Variants in SNX13 observed in about 807,000 individuals in gnomAD.
SNX13 encodes the protein sorting nexin 13, also known as sorting nexin-13.
A neutral mutation model predicts 133.6 loss-of-function variants in SNX13; 45 were observed. That is an observed-to-expected ratio of 0.34 (90% CI 0.27 to 0.43). The LOEUF (loss-of-function observed/expected upper bound fraction) is 0.43, where lower values mean the gene tolerates loss of function less well. SNX13 is among the 20% of genes least tolerant of loss of function. The pLI, the probability that SNX13 is intolerant of heterozygous loss-of-function variation, is 1.00. For synonymous variants in SNX13, 414 were observed against 373.9 expected (o/e 1.11, Z -1.24); for missense variants, 1,032 against 1,145.1 (o/e 0.90, Z 1.43).
At chr7:17,868,267 G>T in intron 9 of SNX13, 140 bp downstream of exon 9, 1 of 650,858 alleles carries the variant, frequency 1.5e-6, no homozygotes, top group Non-Finnish European at 2.6e-6. Context: ...TAAAAATATT[G>T]GAAACACAGA....
chr7:17,837,671 G>A (rs1789307971), intron 13 of SNX13, among the ~76,000 whole-genome samples: 2 of 151,830 alleles, frequency 1.3e-5, no homozygotes, highest in African/African-American at 4.8e-5. Flanking sequence ...TAAATACTTT[G>A]AAGCATAATG....
chr7:17,794,385 T>G, intron 25 of SNX13, 93 bp from the exon 26 acceptor site: 1 of 1,438,098 alleles, frequency 7.0e-7, no homozygotes, highest in Non-Finnish European at 9.3e-7. Flanking sequence ...CACAGCAGAG[T>G]AACTGATGAA....
intron 7 of SNX13, 30 bp from the exon 8 acceptor site, chr7:17,873,646 A>G: frequency 7.4e-7 from 1 of 1,349,256 alleles, no homozygotes; most frequent in Non-Finnish European, 1.0e-6. Flanking sequence ...CTATCATAAC[A>G]TTAGAAAATA....
At chr7:17,872,432 C>T (rs900153254) in intron 8 of SNX13, among the ~76,000 whole-genome samples, 1 of 152,138 alleles carries the variant, frequency 6.6e-6, no homozygotes, top group Non-Finnish European at 1.5e-5. Context: ...TCTGCATGAA[C>T]AAATGCTATA....
chr7:17,877,163 TA>T (rs1180116022), intron 5 of SNX13, among the ~76,000 whole-genome samples: 1 of 149,244 alleles, frequency 6.7e-6, no homozygotes, highest in Non-Finnish European at 1.5e-5. Flanking sequence ...TACATGAAAC[TA>T]AAGAGAAAGC....
intron 1 of SNX13, among the ~76,000 whole-genome samples, chr7:17,927,602 C>T (rs1363409935): frequency 2.6e-5 from 4 of 152,100 alleles, no homozygotes; most frequent in Non-Finnish European, 5.9e-5. Flanking sequence ...TCCATAAATA[C>T]TCTGTTCTCT....
At chr7:17,813,567 T>C (rs1786302033) in intron 20 of SNX13, among the ~76,000 whole-genome samples, 1 of 151,732 alleles carries the variant, frequency 6.6e-6, no homozygotes, top group Non-Finnish European at 1.5e-5. Context: ...TCAAAAATCC[T>C]GAAGTAATCA....
intron 20 of SNX13, among the ~76,000 whole-genome samples, chr7:17,804,411 A>G (rs998959589): frequency 6.6e-6 from 1 of 152,118 alleles, no homozygotes; most frequent in African/African-American, 2.4e-5. Context: ...ATGTGCAATT[A>G]AAATCTACAG....
At chr7:17,850,476 ATTT>A in intron 10 of SNX13, 41 bp from the exon 11 acceptor site, 1 of 1,215,094 alleles carries the variant, frequency 8.2e-7, no homozygotes, top group Non-Finnish European at 1.1e-6. Context: ...TGGTAGTGTT[ATTT>A]ATGAAATACT....
intron 20 of SNX13, 81 bp from the exon 21 acceptor site, chr7:17,803,661 G>T: frequency 8.2e-7 from 1 of 1,219,376 alleles, no homozygotes; most frequent in Non-Finnish European, 1.1e-6. Flanking sequence ...AAAATATAGA[G>T]TGCAACACTG....
rs746876369 is a variant in SNX13 at position 17,801,708 on chromosome 7, G to A, written c.2227-49C>T. The A allele has an allele frequency of 5.3e-5, 73 of 1,377,216 alleles. No individual in the cohort carries two copies. The South Asian group carries it at 8.9e-4, about 17-fold the overall frequency. The allele number at this position is 1,377,216 out of a possible 1,614,324, so 85.3% of individuals were successfully genotyped here. The stretch of plus-strand genomic sequence containing the variant: ...AAGTAAACACACTAAAGCAGACAGT[G>A]AAAGAACACAACACAATCATAAACC... On this transcript the variant is annotated intron_variant, in intron 21 of 25. Coordinates refer to ENST00000428135, the MANE Select transcript of SNX13 (RefSeq NM_015132.5).
chr7:17,851,025 AATCTTG>A, intron 9 of SNX13, 61 bp from the exon 10 acceptor site: 1 of 1,506,218 alleles, frequency 6.6e-7, no homozygotes, highest in East Asian at 2.4e-5. Context: ...AGGAAAACTG[AATCTTG>A]AGTGCCTACT....
chr7:17,820,042 A>G (rs1435496303), intron 18 of SNX13, among the ~76,000 whole-genome samples: 1 of 152,186 alleles, frequency 6.6e-6, no homozygotes, highest in Non-Finnish European at 1.5e-5. Flanking sequence ...AAATTTCTGT[A>G]TGAACTGTCC....
At chr7:17,918,093 T>C (rs1049750881) in intron 1 of SNX13, among the ~76,000 whole-genome samples, 5 of 151,956 alleles carry the variant, frequency 3.3e-5, no homozygotes, top group African/African-American at 9.7e-5. Context: ...GGAAAACTGG[T>C]TAACCTCATA....
intron 9 of SNX13, 83 bp downstream of exon 9, chr7:17,868,324 C>T (rs891161084): frequency 1.3e-5 from 12 of 929,986 alleles, no homozygotes; most frequent in African/African-American, 1.2e-4. Context: ...TAAATTACTG[C>T]TTAAACACCC....
chr7:17,861,330 C>T (rs2128337855), intron 9 of SNX13, among the ~76,000 whole-genome samples: 1 of 139,670 alleles, frequency 7.2e-6, no homozygotes, highest in East Asian at 2.1e-4. Context: ...AGTTATCACA[C>T]ATACAGTTAT....
At chr7:17,915,289 C>T (rs1040355736) in intron 1 of SNX13, among the ~76,000 whole-genome samples, 2 of 152,176 alleles carry the variant, frequency 1.3e-5, no homozygotes, top group African/African-American at 4.8e-5. Context: ...ACCCTGAATA[C>T]TCTGCAGCTG....
chr7:17,829,927 T>C (rs1391020313), intron 16 of SNX13, 83 bp downstream of exon 16: 2 of 989,012 alleles, frequency 2.0e-6, no homozygotes, highest in Non-Finnish European at 2.9e-6. Context: ...CTTCTTTATA[T>C]ATCATTTATT....
Position 17,855,675 on chromosome 7 carries a change from C to T in SNX13, c.838-4711G>A, listed in dbSNP as rs181399809. On this transcript the variant is annotated intron_variant, in intron 9 of 25. Transcript: ENST00000428135. ...TTTTAAGCACACTGTTGAGATGTACCACTTACAAAGAGATTCCTTTCAAAA... is the reference window on the plus strand; with the variant it reads ...TTTTAAGCACACTGTTGAGATGTACTACTTACAAAGAGATTCCTTTCAAAA... Among the ~76,000 whole-genome samples the T allele has an allele frequency of 2.4e-4, 37 of 152,296 alleles. 1 individual carries two copies. The highest frequency in any genetic ancestry group is 1.6e-3 in the Admixed American group (25 of 15,302).
Sources: gnomAD v4.1 joint callset for allele counts (sites outside exome capture counted in the v4.1 genomes callset) on GRCh38, gnomAD v4.1.1 for gene constraint, MANE v1.5 for transcripts, NCBI Gene and HGNC (gene_info 2026-07-23, HGNC 2026-07-21) for gene names.